The following PATJ variants were observed in gnomAD, a reference collection of about 807,000 sequenced individuals.
PATJ encodes the protein PATJ crumbs cell polarity complex component, also known as inaD-like protein.
In PATJ, 190 loss-of-function variants were observed where a neutral mutation model predicts 224.9. The observed-to-expected ratio is 0.84, with a 90% confidence interval of 0.75 to 0.95. The LOEUF (loss-of-function observed/expected upper bound fraction) is 0.95. Among genes scored for constraint, PATJ ranks in the 40% least tolerant of loss-of-function variants. The pLI is 0.00. For synonymous variants in PATJ, 769 were observed against 820.3 expected (o/e 0.94, Z 1.07); for missense variants, 2,121 against 2,270.3 (o/e 0.93, Z 1.34).
intron 28 of PATJ, among the ~76,000 whole-genome samples, chr1:62,010,078 CAAAAA>C (rs34658070): frequency 4.7e-5 from 4 of 84,268 alleles, no homozygotes; most frequent in Admixed American, 1.5e-4. Flanking sequence ...GACTCCATCT[CAAAAA>C]AAAAAAAAAA....
At chr1:61,901,789 C>A (rs1450971471) in intron 24 of PATJ, among the ~76,000 whole-genome samples, 1 of 152,050 alleles carries the variant, frequency 6.6e-6, no homozygotes, top group East Asian at 1.9e-4. Flanking sequence ...TTTCCTGAAG[C>A]CCTAAATTTT....
chr1:61,814,783 A>T (rs1417906547), intron 14 of PATJ, among the ~76,000 whole-genome samples: 1 of 152,180 alleles, frequency 6.6e-6, no homozygotes, highest in Non-Finnish European at 1.5e-5. Context: ...TTAACTAACC[A>T]GTCAAAACCG....
chr1:61,753,539 G>T (rs1645449319), intron 1 of PATJ, among the ~76,000 whole-genome samples: 1 of 149,334 alleles, frequency 6.7e-6, no homozygotes, highest in Non-Finnish European at 1.5e-5. Flanking sequence ...TTGAGACAGA[G>T]TCTCACTCTG....
chr1:61,881,843 C>T (rs77912116), intron 21 of PATJ, among the ~76,000 whole-genome samples: 11 of 152,232 alleles, frequency 7.2e-5, no homozygotes, highest in East Asian at 3.9e-4. Context: ...AGCTCCTTTA[C>T]GAGATTATCA....
At chr1:61,776,271 C>T (rs998181003) in intron 7 of PATJ, among the ~76,000 whole-genome samples, 1 of 152,164 alleles carries the variant, frequency 6.6e-6, no homozygotes, top group Non-Finnish European at 1.5e-5. Context: ...TGCAGGTGGT[C>T]TGTGAGATCC....
At chr1:62,090,164 C>T (rs1002478036) in intron 33 of PATJ, among the ~76,000 whole-genome samples, 5 of 152,072 alleles carry the variant, frequency 3.3e-5, no homozygotes, top group African/African-American at 4.8e-5. Context: ...TTTAAAATGC[C>T]GAGGTAATGA....
chr1:62,138,023 G>A (rs1358453259), intron 41 of PATJ, among the ~76,000 whole-genome samples: 1 of 152,102 alleles, frequency 6.6e-6, no homozygotes, highest in Non-Finnish European at 1.5e-5. Context: ...TTTGGGTTGG[G>A]AGAGTTCCTT....
intron 22 of PATJ, among the ~76,000 whole-genome samples, chr1:61,886,179 A>T (rs1038700529): frequency 6.1e-5 from 9 of 147,284 alleles, no homozygotes; most frequent in East Asian, 2.0e-4. Context: ...AAGTATAATT[A>T]AAAAAAAAAA....
chr1:61,886,392 C>T (rs1022418191), intron 22 of PATJ, among the ~76,000 whole-genome samples: 6 of 152,196 alleles, frequency 3.9e-5, no homozygotes, highest in Middle Eastern at 3.4e-3. Flanking sequence ...GAAGTTTTCC[C>T]GGGGCTTGGC....
At chr1:62,042,420 A>G (rs1651684770) in intron 30 of PATJ, among the ~76,000 whole-genome samples, 2 of 152,122 alleles carry the variant, frequency 1.3e-5, no homozygotes, top group South Asian at 2.1e-4. Flanking sequence ...CCCTCTTAGT[A>G]TATCTTTTTC....
At chr1:62,104,083 G>A (rs1179648742) in intron 33 of PATJ, among the ~76,000 whole-genome samples, 1 of 148,810 alleles carries the variant, frequency 6.7e-6, no homozygotes, top group Non-Finnish European at 1.5e-5. Context: ...GTAGGCTGGA[G>A]TCACTGAGGT....
chr1:62,126,256 A>ACCG (rs1665711393), intron 39 of PATJ, among the ~76,000 whole-genome samples: 1 of 152,140 alleles, frequency 6.6e-6, no homozygotes, highest in African/African-American at 2.4e-5. Flanking sequence ...GTTAGCATTC[A>ACCG]CCGTACCTTT....
At chr1:62,124,121 T>C (rs2104793) in intron 39 of PATJ, among the ~76,000 whole-genome samples, 32,861 of 151,920 alleles carry the variant, frequency 0.22, 6,111 homozygotes, top group East Asian at 0.8. Context: ...GTCACCGTGT[T>C]GCCCAGGCTG....
At chr1:61,934,062 A>G (rs1486884816) in intron 27 of PATJ, among the ~76,000 whole-genome samples, 1 of 151,708 alleles carries the variant, frequency 6.6e-6, no homozygotes, top group Non-Finnish European at 1.5e-5. Context: ...CAGCCTCCTC[A>G]GTAGCTGGGA....
chr1:61,939,157 A>T (rs1402298065), intron 27 of PATJ, among the ~76,000 whole-genome samples: 1 of 149,638 alleles, frequency 6.7e-6, no homozygotes, highest in Non-Finnish European at 1.5e-5. Flanking sequence ...AATTCATGTA[A>T]TTCTAAAAAC....
chr1:62,015,293 G>T (rs752652587), intron 28 of PATJ, among the ~76,000 whole-genome samples: 3 of 151,426 alleles, frequency 2.0e-5, no homozygotes, highest in African/African-American at 7.3e-5. Flanking sequence ...AACAGAGCAA[G>T]ACTCTGTCTC....
intron 20 of PATJ, among the ~76,000 whole-genome samples, chr1:61,869,138 G>A (rs1170784052): frequency 2.8e-4 from 36 of 129,460 alleles, no homozygotes; most frequent in Admixed American, 4.2e-4. Context: ...ACGGAGTCTC[G>A]CTCTGTCGCC....
intron 31 of PATJ, among the ~76,000 whole-genome samples, chr1:62,062,473 T>TCATAGCC (rs1408593319): frequency 7.8e-6 from 1 of 127,768 alleles, no homozygotes; most frequent in Non-Finnish European, 1.6e-5. Context: ...AGTGGTGTGG[T>TCATAGCC]CATAGCCCAC....
chr1:62,085,499 A>T (rs922762585), intron 33 of PATJ, among the ~76,000 whole-genome samples: 1 of 152,136 alleles, frequency 6.6e-6, no homozygotes, highest in African/African-American at 2.4e-5. Context: ...AGTGTTCAGT[A>T]AGTAGGAACT....
Sources: gnomAD v4.1 joint callset for allele counts (sites outside exome capture counted in the v4.1 genomes callset) on GRCh38, gnomAD v4.1.1 for gene constraint, MANE v1.5 for transcripts, NCBI Gene and HGNC (gene_info 2026-07-23, HGNC 2026-07-21) for gene names.